CANX: variants seen among roughly 807,000 people sequenced by gnomAD.
CANX encodes the protein calnexin, also known as epididymis secretory sperm binding protein.
A neutral mutation model predicts 75.7 loss-of-function variants in CANX; 14 were observed. The ratio of observed to expected loss-of-function variants is 0.19; its 90% CI spans 0.12 to 0.29. The LOEUF (loss-of-function observed/expected upper bound fraction) is 0.29. Among genes scored for constraint, CANX ranks in the 10% least tolerant of loss-of-function variants. CANX has a pLI of 1.00. For synonymous variants in CANX, 227 were observed against 236.9 expected (o/e 0.96, Z 0.38); for missense variants, 567 against 713.2 (o/e 0.79, Z 2.34).
At chr5:179,696,400 C>T (rs1274903404), upstream of CANX, among the ~76,000 whole-genome samples, 3 of 151,316 alleles carry the variant, frequency 2.0e-5, no homozygotes, top group East Asian at 5.8e-4. Flanking sequence ...CTCAGCCACC[C>T]GAGTATCTGG....
chr5:179,715,378 CA>C (rs1201926668), intron 7 of CANX, among the ~76,000 whole-genome samples: 1 of 151,894 alleles, frequency 6.6e-6, no homozygotes, highest in Non-Finnish European at 1.5e-5. Flanking sequence ...ACTTAAAATA[CA>C]AAAAATTAGC....
rs1777935201 is a variant in CANX at position 179,716,143 on chromosome 5, C to G, written c.760C>G (p.Gln254Glu). 1.2e-6 allele frequency: 2 copies of G among 1,612,282 alleles called. No homozygotes were observed. The highest frequency in any genetic ancestry group is 1.7e-6 in the Non-Finnish European group (2 of 1,178,488). The change falls in exon 8 of 15, where the codon CAA becomes GAA. Residue 254 changes from glutamine to glutamate, a missense_variant. Physicochemically the swap from Gln to Glu is conservative, Grantham distance 29. This residue lies in a region of CANX where 351 missense variants were observed against 433.8 expected (regional missense o/e 0.81). Transcript: ENST00000247461. The stretch of plus-strand genomic sequence containing the variant: ...TAATAGTTTTGAAATACTGGTTGAC[C>G]AATCTGTGGTGAATAGTGGAAATCT... ...PDNSFEILVD[Q>E]SVVNSGNLLN...
At chr5:179,719,393 T>C (rs1257735568) in intron 8 of CANX, among the ~76,000 whole-genome samples, 2 of 152,220 alleles carry the variant, frequency 1.3e-5, no homozygotes, top group African/African-American at 2.4e-5. Context: ...TATGTTCATA[T>C]TGTATATTTT....
chr5:179,707,010 G>T, intron 3 of CANX, 122 bp from the exon 4 acceptor site: 1 of 655,992 alleles, frequency 1.5e-6, no homozygotes. Context: ...TTTAAAGGTT[G>T]GAAGTAGAGT....
chr5:179,678,806 C>G, intron 1 of CANX: 2 of 1,537,048 alleles, frequency 1.3e-6, no homozygotes, highest in Non-Finnish European at 1.7e-6. Flanking sequence ...CAACACTTGG[C>G]TTTTGGACCG....
intron 1 of CANX, among the ~76,000 whole-genome samples, chr5:179,680,548 C>A (rs1022886734): frequency 7.2e-5 from 11 of 152,096 alleles, no homozygotes; most frequent in South Asian, 2.1e-4. Context: ...ATGGGCTAGA[C>A]CTATGCATAG....
chr5:179,725,680 C>CA (rs765657918), intron 13 of CANX, among the ~76,000 whole-genome samples: 1,253 of 42,092 alleles, frequency 0.03, 24 homozygotes, highest in African/African-American at 0.082. Flanking sequence ...GACTCTGTCT[C>CA]AAAAAAAAAA....
At chr5:179,681,443 T>A (rs1254437343) in intron 1 of CANX, among the ~76,000 whole-genome samples, 1 of 151,954 alleles carries the variant, frequency 6.6e-6, no homozygotes, top group Non-Finnish European at 1.5e-5. Flanking sequence ...GAGAAGGGGG[T>A]GAGGGAAGCA....
chr5:179,709,383 C>T (rs971029254), intron 6 of CANX, among the ~76,000 whole-genome samples: 18 of 151,200 alleles, frequency 1.2e-4, no homozygotes, highest in Non-Finnish European at 1.9e-4. Context: ...CACTGCACTC[C>T]AGCCTGGGCG....
At chr5:179,701,746 T>TA (rs1426793083) in intron 1 of CANX, among the ~76,000 whole-genome samples, 2 of 112,236 alleles carry the variant, frequency 1.8e-5, no homozygotes, top group African/African-American at 6.4e-5. Flanking sequence ...CTTTTTTTTT[T>TA]TTTTTTTTTT....
At chr5:179,724,819 A>G (rs1255019895) in intron 13 of CANX, 36 bp downstream of exon 13, 1 of 1,576,054 alleles carries the variant, frequency 6.3e-7, no homozygotes, top group Admixed American at 1.8e-5. Flanking sequence ...GCTTTAAGCC[A>G]AGACCCTACG....
chr5:179,689,379 G>GTTGT (rs1776254876), intron 1 of CANX, among the ~76,000 whole-genome samples: 1 of 83,676 alleles, frequency 1.2e-5, no homozygotes, highest in Non-Finnish European at 2.2e-5. Context: ...AACCCAACAA[G>GTTGT]TTTTTTTTTT....
chr5:179,730,486 C>G lies in CANX; in HGVS notation c.*1842C>G, dbSNP rs1350714765. The stretch of plus-strand genomic sequence containing the variant: ...TATGTCTGCAGGTTTCTCCTTGAAG[C>G]AAATGTGTGGGATCATTGCATTTCC... On this transcript the variant is annotated 3_prime_UTR_variant, in exon 15 of 15. Transcript: ENST00000247461. 3 of 152,204 alleles carry G rather than the reference C, an allele frequency of 2.0e-5. No homozygotes were observed. Among genetic ancestry groups the G allele is most frequent in the African/African-American group, 7.2e-5 (3 of 41,454 alleles). The allele number at this position is 152,204 out of a possible 1,614,324, so 9.4% of individuals were successfully genotyped here. A position where few individuals can be genotyped will look rare whatever the true frequency, so the allele number is the denominator to read the frequency against.
At chr5:179,713,876 C>T (rs1777746433) in intron 7 of CANX, among the ~76,000 whole-genome samples, 1 of 152,190 alleles carries the variant, frequency 6.6e-6, no homozygotes, top group Non-Finnish European at 1.5e-5. Flanking sequence ...GATTGGGCCA[C>T]TGCACTCCAG....
chr5:179,721,782 A>T (rs554609617), intron 10 of CANX, among the ~76,000 whole-genome samples: 5 of 152,270 alleles, frequency 3.3e-5, no homozygotes, highest in African/African-American at 1.2e-4. Context: ...ATTATTTATA[A>T]TCATTAATTT....
chr5:179,698,860 T>A (rs1053203215), upstream of CANX: 27 of 1,049,802 alleles, frequency 2.6e-5, no homozygotes, highest in African/African-American at 3.4e-5. Context: ...GCCAACCGGA[T>A]GTCGGGGCTT....
intron 1 of CANX, among the ~76,000 whole-genome samples, chr5:179,683,484 G>A (rs546780437): frequency 1.3e-5 from 2 of 151,866 alleles, no homozygotes; most frequent in Non-Finnish European, 1.5e-5. Context: ...AATTTGTTAT[G>A]TGAAATCATT....
exon 1 of CANX, chr5:179,678,723 T>A: frequency 6.5e-7 from 1 of 1,536,996 alleles, no homozygotes; most frequent in Non-Finnish European, 8.7e-7. Flanking sequence ...AGCAAGTGCA[T>A]GCGCGCCATG....
In CANX at chr5:179,729,227, T is replaced by C. The variant is rs1778859339; in HGVS notation, c.*583T>C. Reference sequence around the variant, plus strand: ...AGAGGGACTGAATAGAAGCCCAAATTCATATAAAAGTTGCGTTTAAGTTGT... The same window carrying C: ...AGAGGGACTGAATAGAAGCCCAAATCCATATAAAAGTTGCGTTTAAGTTGT... On this transcript the variant is annotated 3_prime_UTR_variant, in exon 15 of 15. Transcript: ENST00000247461. 6.5e-6 allele frequency: 1 copy of C among 154,520 alleles called. No individual in the cohort carries two copies. The highest frequency in any genetic ancestry group is 1.9e-4 in the South Asian group (1 of 5,186). 9.6% of individuals were successfully genotyped at this position (154,520 alleles called of 1,614,324 possible).
Sources: gnomAD v4.1 joint callset for allele counts (sites outside exome capture counted in the v4.1 genomes callset) on GRCh38, gnomAD v4.1.1 for gene constraint, gnomAD v4.1.1 regional missense constraint, MANE v1.5 for transcripts, NCBI Gene and HGNC (gene_info 2026-07-23, HGNC 2026-07-21) for gene names.